Variants in OTULINL observed in about 807,000 individuals in gnomAD.
OTULINL encodes inactive ubiquitin thioesterase OTULINL.
A neutral mutation model predicts 43.9 loss-of-function variants in OTULINL; 42 were observed. That is an observed-to-expected ratio of 0.96 (90% CI 0.75 to 1.24). The LOEUF (loss-of-function observed/expected upper bound fraction) is 1.24. Among genes scored for constraint, OTULINL ranks in the 50% most tolerant of loss-of-function variants. The probability of loss-of-function intolerance (pLI) is 0.00; values close to 1 mark genes in which losing one functional copy is unlikely to be tolerated. For synonymous variants in OTULINL, 172 were observed against 153.6 expected, an observed-to-expected ratio of 1.12 and a Z score of -0.88; for missense variants, 411 against 426.4, an observed-to-expected ratio of 0.96 and a Z score of 0.32.
chr5:14,598,498 C>T (rs1399034610), intron 1 of OTULINL, among the ~76,000 whole-genome samples: 4 of 152,150 alleles, frequency 2.6e-5, no homozygotes, highest in African/African-American at 9.7e-5. Flanking sequence ...TGAAATTATC[C>T]TATTAAAAAT....
intron 1 of OTULINL, among the ~76,000 whole-genome samples, chr5:14,598,741 A>G (rs921926192): frequency 5.9e-5 from 9 of 152,242 alleles, no homozygotes; most frequent in African/African-American, 1.7e-4. Context: ...GCTTACATTT[A>G]GGACAGTTTA....
chr5:14,582,521 CG>C (rs897753636), intron 1 of OTULINL, among the ~76,000 whole-genome samples: 5 of 152,080 alleles, frequency 3.3e-5, no homozygotes, highest in Admixed American at 2.6e-4. Flanking sequence ...CGGGGCCGGG[CG>C]CGGTGGTTCA....
rs1020476225 is a variant in OTULINL at position 14,612,148 on chromosome 5, C to T, written c.*1834C>T. 2.0e-5 allele frequency: 3 copies of T among 152,176 alleles called. No homozygotes were observed. Among genetic ancestry groups the T allele is most frequent in the Non-Finnish European group, 4.4e-5 (3 of 68,046 alleles). The allele number at this position is 152,176 out of a possible 1,614,324, so 9.4% of individuals were successfully genotyped here. On this transcript the variant is annotated 3_prime_UTR_variant, in exon 8 of 8. Transcript: ENST00000274217. ...TTAACTGACAGTGTTAGAAGATATC[C>T]CCCTGATGTGTTACTGTAACCAAGA...
intron 1 of OTULINL, among the ~76,000 whole-genome samples, chr5:14,582,845 C>A (rs935142553): frequency 1.3e-5 from 2 of 149,192 alleles, no homozygotes; most frequent in Non-Finnish European, 3.0e-5. Context: ...AAAAATCACC[C>A]GACAAGGGCA....
In OTULINL at chr5:14,610,078, C is replaced by T. The variant is rs547737937; in HGVS notation, c.898-63C>T. ...AACTGCAGAGGAACACTTCCCCCCA[C>T]CGTGGCGGGAGGCAGGAATTTGCAA... On this transcript the variant is annotated intron_variant, in intron 7 of 7. Coordinates refer to ENST00000274217, the MANE Select transcript of OTULINL (RefSeq NM_019018.3). 6 of 1,441,444 alleles carry T rather than the reference C, an allele frequency of 4.2e-6. No individual in the cohort carries two copies. The Admixed American group carries it at 8.6e-5, about 21-fold the overall frequency. 89.3% of individuals were successfully genotyped at this position (1,441,444 alleles called of 1,614,324 possible).
chr5:14,613,459 A>C lies in OTULINL; in HGVS notation c.*3145A>C, dbSNP rs1466409244. On this transcript the variant is annotated 3_prime_UTR_variant, in exon 8 of 8. Transcript: ENST00000274217. ...AAAAGAGCCTCAGTGGAGAAGTACAACCTAAGAGGGAGTTAGGTACAACCT... is the reference window on the plus strand; with the variant it reads ...AAAAGAGCCTCAGTGGAGAAGTACACCCTAAGAGGGAGTTAGGTACAACCT... Among the ~76,000 whole-genome samples, 1 of 152,196 alleles carries C rather than the reference A, an allele frequency of 6.6e-6. No homozygotes were observed. The highest frequency in any genetic ancestry group is 1.5e-5 in the Non-Finnish European group (1 of 68,034).
At position 14,614,044 on chromosome 5, in the gene OTULINL, G is replaced by A. The variant is rs1480686620; in HGVS notation, c.*3730G>A. The stretch of plus-strand genomic sequence containing the variant: ...TTTAAACTGATAACTAACCCAATAT[G>A]TGAAAATATATGCAAGCATGAATAA... On this transcript the variant is annotated 3_prime_UTR_variant, in exon 8 of 8. Transcript: ENST00000274217. Among the ~76,000 whole-genome samples the A allele has an allele frequency of 6.6e-6, 1 of 152,128 alleles. No homozygotes were observed. Among genetic ancestry groups the A allele is most frequent in the Non-Finnish European group, 1.5e-5 (1 of 68,020 alleles).
At chr5:14,583,588 G>A (rs1221960144) in intron 1 of OTULINL, among the ~76,000 whole-genome samples, 2 of 152,144 alleles carry the variant, frequency 1.3e-5, no homozygotes, top group Non-Finnish European at 2.9e-5. Context: ...GCATGCCAGC[G>A]CTGCGAGCCC....
rs1759389861 is a variant in OTULINL at position 14,601,549 on chromosome 5, A to G, written c.348+107A>G. The stretch of plus-strand genomic sequence containing the variant: ...AAATCCAGATATCCATCAGTACCAA[A>G]ATGTGAGTCAAGTAACAACTGTGGC... On this transcript the variant is annotated intron_variant, in intron 4 of 7. Coordinates refer to ENST00000274217, the MANE Select transcript of OTULINL (RefSeq NM_019018.3). 4 of 993,440 alleles carry G rather than the reference A, an allele frequency of 4.0e-6. No individual in the cohort carries two copies. The East Asian group carries it at 1.0e-4, about 25-fold the overall frequency. The allele number at this position is 993,440 out of a possible 1,614,324, so 61.5% of individuals were successfully genotyped here. A position where few individuals can be genotyped will look rare whatever the true frequency, so the allele number is the denominator to read the frequency against.
In OTULINL at chr5:14,610,180, A is replaced by T; in HGVS notation, c.937A>T (p.Ile313Leu). The part of the protein sequence containing the change: ...FILGYSLEVK[I>L]KVFRLFKFNS... ...ACTTGGATACTCCCTTGAAGTAAAG[A>T]TAAAAGTGTTCAGACTGTTCAAGTT... The change falls in exon 8 of 8, where the codon ATA (isoleucine) becomes TTA (leucine). Residue 313 changes from isoleucine (I) to leucine (L), a missense_variant. By Grantham distance (5) the Ile-to-Leu change is conservative. Transcript: ENST00000274217. The T allele has an allele frequency of 6.2e-7, 1 of 1,614,136 alleles. No individual in the cohort carries two copies. Among genetic ancestry groups the T allele is most frequent in the Non-Finnish European group, 8.5e-7 (1 of 1,179,980 alleles).
In OTULINL at chr5:14,612,210, A is replaced by G. The variant is rs1415786400; in HGVS notation, c.*1896A>G. On this transcript the variant is annotated 3_prime_UTR_variant, in exon 8 of 8. Coordinates refer to ENST00000274217, the MANE Select transcript of OTULINL (RefSeq NM_019018.3). ...TTACCCTTTCTGGTGACAGCCTGCCATGGGCTGCTGTGGCTGATACTTATA... is the reference window on the plus strand; with the variant it reads ...TTACCCTTTCTGGTGACAGCCTGCCGTGGGCTGCTGTGGCTGATACTTATA... The G allele has an allele frequency of 1.3e-5, 2 of 152,368 alleles. No individual in the cohort carries two copies. The highest frequency in any genetic ancestry group is 2.4e-5 in the African/African-American group (1 of 41,580). The allele number at this position is 152,368 out of a possible 1,614,324, so 9.4% of individuals were successfully genotyped here.
chr5:14,590,959 A>G (rs1260953254), intron 1 of OTULINL, among the ~76,000 whole-genome samples: 1 of 152,206 alleles, frequency 6.6e-6, no homozygotes, highest in Non-Finnish European at 1.5e-5. Context: ...GAGATGATAC[A>G]TCCATCGAAT....
chr5:14,603,948 T>G (rs1376820162), intron 5 of OTULINL, among the ~76,000 whole-genome samples: 2 of 152,190 alleles, frequency 1.3e-5, no homozygotes, highest in African/African-American at 4.8e-5. Context: ...TTTAAACTTG[T>G]TTCTATTAGT....
intron 1 of OTULINL, 39 bp from the exon 2 acceptor site, chr5:14,600,926 G>C: frequency 7.5e-7 from 1 of 1,336,100 alleles, no homozygotes; most frequent in South Asian, 1.9e-5. Context: ...GTGTAATTGT[G>C]ATGTGCTTTT....
intron 1 of OTULINL, among the ~76,000 whole-genome samples, chr5:14,596,877 TC>T (rs966156648): frequency 1.3e-5 from 2 of 152,108 alleles, no homozygotes; most frequent in African/African-American, 4.8e-5. Flanking sequence ...CAGCCACCAG[TC>T]CTGTCATGGG....
chr5:14,615,397 T>TG lies in OTULINL; in HGVS notation c.*5083_*5084insG, dbSNP rs1759656725. On this transcript the variant is annotated 3_prime_UTR_variant, in exon 8 of 8. Transcript: ENST00000274217. ...TTGGGTGCCGGCTTTTCTGCTGGAC[T>TG]AAGATTCATGGAAAGAACCCCAGGG... 4.2e-4 allele frequency among the ~76,000 whole-genome samples: 8 copies of TG among 18,988 alleles called. No individual in the cohort carries two copies. In the South Asian group the frequency reaches 0.011, roughly 25 times the overall value. 12.5% of individuals were successfully genotyped at this position (18,988 alleles called of 152,430 possible).
rs770479134 is a variant in OTULINL at position 14,607,498 on chromosome 5, A to C, written c.627+40A>C. The C allele has an allele frequency of 6.2e-6, 10 of 1,610,730 alleles. No homozygotes were observed. The Admixed American group carries it at 8.4e-5, about 14-fold the overall frequency. On this transcript the variant is annotated intron_variant, in intron 6 of 7. Coordinates refer to ENST00000274217, the MANE Select transcript of OTULINL (RefSeq NM_019018.3). ...GGGAAATAAAAAGACTAGGAATAAA[A>C]GCACATATCCCAGATAGAGCCAGTT...
At chr5:14,595,220 C>T (rs569452407) in intron 1 of OTULINL, among the ~76,000 whole-genome samples, 6 of 152,308 alleles carry the variant, frequency 3.9e-5, no homozygotes, top group South Asian at 2.1e-4. Flanking sequence ...GGGCTAGATG[C>T]AGGTGACAGA....
At chr5:14,597,616 C>T (rs537822323) in intron 1 of OTULINL, among the ~76,000 whole-genome samples, 2 of 152,334 alleles carry the variant, frequency 1.3e-5, no homozygotes, top group Non-Finnish European at 2.9e-5. Context: ...CCTACTAAAA[C>T]GCATTTCTCC....
Sources: gnomAD v4.1 joint callset for allele counts (sites outside exome capture counted in the v4.1 genomes callset) on GRCh38, gnomAD v4.1.1 for gene constraint, MANE v1.5 for transcripts, NCBI Gene and HGNC (gene_info 2026-07-23, HGNC 2026-07-21) for gene names.